The following GALNT17 variants were observed in gnomAD, a reference collection of about 807,000 sequenced individuals.
GALNT17 encodes the protein UDP-GalNAc:polypeptide N-acetylgalactosaminyltransferase-like 3.
In GALNT17, 29 loss-of-function variants were observed where a neutral mutation model predicts 63.7. That is an observed-to-expected ratio of 0.46 (90% CI 0.34 to 0.62). GALNT17 has a LOEUF of 0.62. Ranked by LOEUF, GALNT17 falls within the 20% of genes least tolerant of loss-of-function variation. The pLI is 0.01. For missense variants in GALNT17, 603 were observed against 799.6 expected, an observed-to-expected ratio of 0.75 and a Z score of 2.97; for synonymous variants, 305 against 318.3, an observed-to-expected ratio of 0.96 and a Z score of 0.45.
intron 5 of GALNT17, among the ~76,000 whole-genome samples, chr7:71,532,837 C>T (rs1287403844): frequency 2.6e-5 from 4 of 152,306 alleles, no homozygotes; most frequent in Non-Finnish European, 5.9e-5. Context: ...CTCCTGTTTA[C>T]AATTTCTGAG....
intron 5 of GALNT17, among the ~76,000 whole-genome samples, chr7:71,454,495 G>T (rs193089391): frequency 1.3e-5 from 2 of 152,072 alleles, no homozygotes; most frequent in African/African-American, 4.8e-5. Flanking sequence ...TTGGAAAGAA[G>T]AACTTTATTT....
chr7:71,464,515 T>C (rs1166682804), intron 5 of GALNT17, among the ~76,000 whole-genome samples: 2 of 152,048 alleles, frequency 1.3e-5, no homozygotes, highest in African/African-American at 4.8e-5. Context: ...CTTTTGGGAC[T>C]CCCCTGAAAC....
intron 5 of GALNT17, among the ~76,000 whole-genome samples, chr7:71,494,624 A>G (rs1053491624): frequency 1.3e-5 from 2 of 152,088 alleles, no homozygotes; most frequent in Admixed American, 6.6e-5. Flanking sequence ...CTCCCAAACT[A>G]TTGGGAGTAC....
At chr7:71,223,774 C>T (rs549134015) in intron 1 of GALNT17, among the ~76,000 whole-genome samples, 1 of 152,224 alleles carries the variant, frequency 6.6e-6, no homozygotes, top group African/African-American at 2.4e-5. Flanking sequence ...GATGTGTTCT[C>T]ATCATTTAAC....
chr7:71,592,744 T>C (rs949702922), intron 6 of GALNT17, among the ~76,000 whole-genome samples: 3 of 152,096 alleles, frequency 2.0e-5, no homozygotes, highest in African/African-American at 7.2e-5. Context: ...CTCCCCCTGA[T>C]TGGAAACATT....
At chr7:71,461,550 G>A (rs576816208) in intron 5 of GALNT17, among the ~76,000 whole-genome samples, 1 of 152,342 alleles carries the variant, frequency 6.6e-6, no homozygotes, top group Non-Finnish European at 1.5e-5. Flanking sequence ...AAGAGGGATT[G>A]CTGAAGGCTG....
At chr7:71,438,232 A>G (rs1420275283) in intron 5 of GALNT17, among the ~76,000 whole-genome samples, 1 of 152,218 alleles carries the variant, frequency 6.6e-6, no homozygotes, top group Non-Finnish European at 1.5e-5. Context: ...GGGAGCAAGG[A>G]AGCCAGTCCA....
chr7:71,241,697 G>A (rs1790000020), intron 1 of GALNT17, among the ~76,000 whole-genome samples: 1 of 152,082 alleles, frequency 6.6e-6, no homozygotes, highest in African/African-American at 2.4e-5. Flanking sequence ...CAACCAGCTT[G>A]GACAACATAG....
At chr7:71,221,908 A>AT (rs370780821) in intron 1 of GALNT17, among the ~76,000 whole-genome samples, 32,646 of 114,414 alleles carry the variant, frequency 0.29, 5,415 homozygotes, top group South Asian at 0.52. Flanking sequence ...CCTTATTTAG[A>AT]TTTTTTTTTT....
At chr7:71,480,673 A>G (rs2116641026) in intron 5 of GALNT17, among the ~76,000 whole-genome samples, 1 of 152,172 alleles carries the variant, frequency 6.6e-6, no homozygotes, top group South Asian at 2.1e-4. Context: ...CACCCAGCAA[A>G]TTTTTATATT....
At position 71,494,464 on chromosome 7, in the gene GALNT17, G is replaced by T. The variant is rs186490340; in HGVS notation, c.962+73359G>T. Among the ~76,000 whole-genome samples, 45 of 152,186 alleles carry T rather than the reference G, an allele frequency of 3.0e-4. 2 individuals are homozygous for T. The highest frequency in any genetic ancestry group is 2.7e-3 in the Admixed American group (41 of 15,258). On this transcript the variant is annotated intron_variant, in intron 5 of 10. Coordinates refer to ENST00000333538, the MANE Select transcript of GALNT17 (RefSeq NM_022479.3). ...TGGTTCATACGATCCTCCTGCCTCA[G>T]CCTCCCAAGTAGCTGGGACTACAGG...
At chr7:71,547,316 C>T (rs1192668651) in intron 5 of GALNT17, among the ~76,000 whole-genome samples, 1 of 152,112 alleles carries the variant, frequency 6.6e-6, no homozygotes, top group Non-Finnish European at 1.5e-5. Context: ...AGGCCCCTGT[C>T]ACCACACCTG....
At chr7:71,254,984 C>A (rs573410430) in intron 1 of GALNT17, among the ~76,000 whole-genome samples, 1 of 152,330 alleles carries the variant, frequency 6.6e-6, no homozygotes, top group East Asian at 1.9e-4. Flanking sequence ...AGATTTCATT[C>A]ATTGCCAGCA....
chr7:71,441,007 TTTG>T (rs1048265299), intron 5 of GALNT17, among the ~76,000 whole-genome samples: 11 of 143,940 alleles, frequency 7.6e-5, no homozygotes, highest in Non-Finnish European at 1.2e-4. Context: ...TATCAGTTTT[TTTG>T]TTGTTGTTCT....
chr7:71,332,999 T>C (rs1183383962), intron 1 of GALNT17, among the ~76,000 whole-genome samples: 1 of 152,210 alleles, frequency 6.6e-6, no homozygotes, highest in Non-Finnish European at 1.5e-5. Flanking sequence ...TACTGAGATA[T>C]ACAGCTCATA....
chr7:71,575,513 C>T (rs929873902), intron 6 of GALNT17, among the ~76,000 whole-genome samples: 4 of 151,886 alleles, frequency 2.6e-5, no homozygotes, highest in African/African-American at 7.3e-5. Flanking sequence ...CTCAGCCTCC[C>T]GAGTAGCTGG....
chr7:71,286,577 CT>C (rs1455781959), intron 1 of GALNT17, among the ~76,000 whole-genome samples: 1 of 151,696 alleles, frequency 6.6e-6, no homozygotes, highest in African/African-American at 2.4e-5. Flanking sequence ...CAGGAGGAGC[CT>C]TTGCCGCAGC....
At chr7:71,267,747 A>G (rs1432710979) in intron 1 of GALNT17, among the ~76,000 whole-genome samples, 1 of 152,102 alleles carries the variant, frequency 6.6e-6, no homozygotes, top group Non-Finnish European at 1.5e-5. Context: ...GGTTTGTTGT[A>G]CAGGTAAACG....
At chr7:71,591,159 C>T (rs1160141149) in intron 6 of GALNT17, among the ~76,000 whole-genome samples, 1 of 152,118 alleles carries the variant, frequency 6.6e-6, no homozygotes. Flanking sequence ...TGGGTTCAAG[C>T]GATTCTCCTG....
Sources: gnomAD v4.1 joint callset for allele counts (sites outside exome capture counted in the v4.1 genomes callset) on GRCh38, gnomAD v4.1.1 for gene constraint, MANE v1.5 for transcripts, NCBI Gene and HGNC (gene_info 2026-07-23, HGNC 2026-07-21) for gene names.